Variants in LIPI observed in about 807,000 individuals in gnomAD.
LIPI encodes lipase member I.
In LIPI, 59 loss-of-function variants were observed where a neutral mutation model predicts 50.6. That is an observed-to-expected ratio of 1.16 (90% CI 0.94 to 1.45). The LOEUF is 1.45. LIPI is among the 40% of genes most tolerant of loss of function. LIPI has a pLI of 0.00. For synonymous variants in LIPI, 203 were observed against 178.2 expected (o/e 1.14, Z -1.11); for missense variants, 586 against 536.3 (o/e 1.09, Z -0.92).
chr21:14,193,852 C>G (rs2019758044), intron 1 of LIPI, among the ~76,000 whole-genome samples: 1 of 152,022 alleles, frequency 6.6e-6, no homozygotes, highest in Admixed American at 6.5e-5. Context: ...AGGCAACCCA[C>G]TGAATGTGAG....
intron 4 of LIPI, among the ~76,000 whole-genome samples, chr21:14,169,385 T>C (rs985377613): frequency 6.6e-6 from 1 of 152,096 alleles, no homozygotes; most frequent in African/African-American, 2.4e-5. Context: ...TACAGAACTC[T>C]CCACCCCAAA....
intron 1 of LIPI, among the ~76,000 whole-genome samples, chr21:14,204,306 G>T (rs987707056): frequency 5.3e-5 from 8 of 151,080 alleles, no homozygotes; most frequent in Non-Finnish European, 1.0e-4. Flanking sequence ...AGAGGTAGAA[G>T]GGTTTGGGAG....
chr21:14,115,542 G>C (rs185373137), intron 9 of LIPI, among the ~76,000 whole-genome samples: 85 of 152,222 alleles, frequency 5.6e-4, no homozygotes, highest in African/African-American at 2.0e-3. Flanking sequence ...ATTTCTGGGG[G>C]CTCATCTGGG....
At position 14,144,958 on chromosome 21, in the gene LIPI, C is replaced by T. The variant is rs568428439; in HGVS notation, c.1119-159G>A. Among the ~76,000 whole-genome samples the T allele has an allele frequency of 8.4e-4, 127 of 151,212 alleles. No individual in the cohort carries two copies. The highest frequency in any genetic ancestry group is 2.6e-3 in the African/African-American group (106 of 41,272). ...CAGTATTTATTAAAATAATTAAAAC[C>T]GTAATTTATAACAGAACAAAATAAT... On this transcript the variant is annotated intron_variant, in intron 8 of 9. Transcript: ENST00000681601.
chr21:14,135,027 T>G (rs138539484), intron 9 of LIPI, among the ~76,000 whole-genome samples: 129 of 152,220 alleles, frequency 8.5e-4, no homozygotes, highest in Middle Eastern at 3.4e-3. Flanking sequence ...AAAAATTATA[T>G]GCAAACTATG....
chr21:14,191,895 G>GT lies in LIPI; in HGVS notation c.47-2477dup, dbSNP rs1196042425. On this transcript the variant is annotated intron_variant, in intron 1 of 9. Coordinates refer to ENST00000681601, the MANE Select transcript of LIPI (RefSeq NM_001302998.2). Reference sequence around the variant, plus strand: ...GCCTGTTAGAAAAGGAAAGACAGTTGTAACAGTGCAAAGTCCTCCAATGTG... The same window carrying GT: ...GCCTGTTAGAAAAGGAAAGACAGTTGTTAACAGTGCAAAGTCCTCCAATGTG... Among the ~76,000 whole-genome samples the GT allele has an allele frequency of 2.6e-5, 4 of 152,286 alleles. No individual in the cohort carries two copies. In the East Asian group the frequency reaches 7.7e-4, roughly 29 times the overall value.
intron 9 of LIPI, chr21:14,144,192 T>C (rs2017817062): frequency 6.5e-6 from 1 of 154,506 alleles, no homozygotes; most frequent in Admixed American, 6.4e-5. Context: ...AGAAAGAAGA[T>C]ATTGCTGGAA....
intron 1 of LIPI, among the ~76,000 whole-genome samples, chr21:14,203,679 T>C (rs1004680245): frequency 6.6e-6 from 1 of 151,962 alleles, no homozygotes; most frequent in African/African-American, 2.4e-5. Flanking sequence ...CACTGGGGCC[T>C]GTTGTGGGGT....
chr21:14,175,214 T>C (rs2019052988), intron 4 of LIPI, among the ~76,000 whole-genome samples: 1 of 152,248 alleles, frequency 6.6e-6, no homozygotes, highest in Non-Finnish European at 1.5e-5. Flanking sequence ...GGAATTGTTA[T>C]AGATTATGAG....
chr21:14,196,278 A>G (rs1308663458), intron 1 of LIPI, among the ~76,000 whole-genome samples: 1 of 152,158 alleles, frequency 6.6e-6, no homozygotes, highest in Non-Finnish European at 1.5e-5. Flanking sequence ...TTGATGAATC[A>G]CAAAAGCATT....
chr21:14,194,653 A>G (rs2123304809), intron 1 of LIPI, among the ~76,000 whole-genome samples: 1 of 152,236 alleles, frequency 6.6e-6, no homozygotes, highest in Non-Finnish European at 1.5e-5. Flanking sequence ...GAAAAGGGGA[A>G]ATGAGGAGTT....
At chr21:14,123,258 C>G (rs1028959863) in intron 9 of LIPI, among the ~76,000 whole-genome samples, 10 of 152,200 alleles carry the variant, frequency 6.6e-5, no homozygotes, top group Non-Finnish European at 1.3e-4. Context: ...TTTGAAGAGT[C>G]TAAGAACAAG....
intron 4 of LIPI, among the ~76,000 whole-genome samples, chr21:14,175,599 AAATATTATTC>A (rs542321680): frequency 7.0e-4 from 107 of 152,282 alleles, no homozygotes; most frequent in African/African-American, 2.5e-3. Flanking sequence ...TACTTTGGGA[AAATATTATTC>A]ATTATCCCAG....
Position 14,163,524 on chromosome 21 carries a change from CTGAGATTTGAGAAA to C in LIPI, c.902-15_902-2del. The C allele has an allele frequency of 7.0e-7, 1 of 1,430,434 alleles. No individual in the cohort carries two copies. Among genetic ancestry groups the C allele is most frequent in the Non-Finnish European group, 9.9e-7 (1 of 1,013,320 alleles). The allele number at this position is 1,430,434 out of a possible 1,614,324, so 88.6% of individuals were successfully genotyped here. ...CCTTTAAATAGCTTGGCTTGATAAC[CTGAGATTTGAGAAA>C]TAGAACATTAGAAATTGGATTTCCA... On this transcript the variant is annotated splice_acceptor_variant and splice_polypyrimidine_tract_variant and intron_variant, in intron 6 of 9. Coordinates refer to ENST00000681601, the MANE Select transcript of LIPI (RefSeq NM_001302998.2). LOFTEE classifies it high-confidence loss of function.
chr21:14,170,955 T>A (rs974513703), intron 4 of LIPI, among the ~76,000 whole-genome samples: 44 of 151,894 alleles, frequency 2.9e-4, no homozygotes, highest in African/African-American at 9.7e-4. Flanking sequence ...TGATTGTATA[T>A]CTAGAAAACC....
intron 4 of LIPI, among the ~76,000 whole-genome samples, chr21:14,170,133 C>G (rs184764820): frequency 0.017 from 2,598 of 152,200 alleles, 72 homozygotes; most frequent in African/African-American, 0.059. Context: ...ATAAATTCCT[C>G]AACACATACA....
At chr21:14,164,776 C>G (rs2018616866) in intron 6 of LIPI, among the ~76,000 whole-genome samples, 1 of 152,010 alleles carries the variant, frequency 6.6e-6, no homozygotes, top group Admixed American at 6.6e-5. Flanking sequence ...AGGTATGAAC[C>G]ATGTTTCATG....
intron 1 of LIPI, among the ~76,000 whole-genome samples, chr21:14,202,058 G>C (rs77568497): frequency 0.57 from 86,303 of 151,768 alleles, 25,020 homozygotes; most frequent in African/African-American, 0.65. Context: ...AAACAGAGAG[G>C]CAAATCATGA....
chr21:14,197,969 G>A (rs991836555), intron 1 of LIPI, among the ~76,000 whole-genome samples: 3 of 152,066 alleles, frequency 2.0e-5, no homozygotes, highest in African/African-American at 7.2e-5. Flanking sequence ...CAATGTTCAA[G>A]ATTCTTAAAG....
Sources: gnomAD v4.1 joint callset for allele counts (sites outside exome capture counted in the v4.1 genomes callset) on GRCh38, gnomAD v4.1.1 for gene constraint, MANE v1.5 for transcripts, NCBI Gene and HGNC (gene_info 2026-07-23, HGNC 2026-07-21) for gene names.